Variants in PACRG observed in about 807,000 individuals in gnomAD.
PACRG encodes the protein parkin coregulated gene protein.
A neutral mutation model predicts 29.7 loss-of-function variants in PACRG; 29 were observed. The ratio of observed to expected loss-of-function variants is 0.98; its 90% CI spans 0.73 to 1.33. The LOEUF is 1.33. PACRG is among the 40% of genes most tolerant of loss of function. PACRG has a pLI of 0.00. For synonymous variants in PACRG, 116 were observed against 118.7 expected (o/e 0.98, Z 0.15); for missense variants, 279 against 316.2 (o/e 0.88, Z 0.89).
At chr6:162,753,369 C>T (rs903180125) in intron 1 of PACRG, among the ~76,000 whole-genome samples, 1 of 151,778 alleles carries the variant, frequency 6.6e-6, no homozygotes, top group Non-Finnish European at 1.5e-5. Context: ...TCTTTCTATG[C>T]CCTGATAATT....
At chr6:162,908,808 A>G (rs1402027157) in intron 2 of PACRG, among the ~76,000 whole-genome samples, 1 of 152,136 alleles carries the variant, frequency 6.6e-6, no homozygotes, top group Non-Finnish European at 1.5e-5. Flanking sequence ...CATCAGCCTG[A>G]CTTAACAATA....
At chr6:163,253,091 G>A (rs796130890) in intron 4 of PACRG, among the ~76,000 whole-genome samples, 7 of 152,136 alleles carry the variant, frequency 4.6e-5, no homozygotes, top group African/African-American at 1.7e-4. Flanking sequence ...GAGGCCAGGA[G>A]GTCGAGACCA....
chr6:162,876,169 C>G lies in PACRG; in HGVS notation c.291+61888C>G, dbSNP rs867280260. On this transcript the variant is annotated intron_variant, in intron 2 of 4. Transcript: ENST00000366888. ...GGTCACCATCATAGGGGGTTCCTCT[C>G]CAAAGAAAGCAATGACAAGTGGAAC... 5.3e-5 allele frequency among the ~76,000 whole-genome samples: 8 copies of G among 152,120 alleles called. No homozygotes were observed. The South Asian group carries it at 1.7e-3, about 32-fold the overall frequency.
intron 4 of PACRG, among the ~76,000 whole-genome samples, chr6:163,160,537 C>T (rs6903043): frequency 0.067 from 10,186 of 152,198 alleles, 1,143 homozygotes; most frequent in African/African-American, 0.23. Flanking sequence ...GTACTGAACT[C>T]ATGAAAATAT....
chr6:162,897,666 T>A (rs930529623), intron 2 of PACRG, among the ~76,000 whole-genome samples: 6 of 152,152 alleles, frequency 3.9e-5, no homozygotes, highest in African/African-American at 1.4e-4. Flanking sequence ...GCTGGAGAGG[T>A]CTGTAGCCAT....
In PACRG at chr6:163,179,511, C is replaced by T. The variant is rs1779549227; in HGVS notation, c.613+90103C>T. On this transcript the variant is annotated intron_variant, in intron 4 of 4. Coordinates refer to ENST00000366888, the MANE Select transcript of PACRG (RefSeq NM_001080379.2). ...GCCCGGGAAGGAGTTCCAGGCCAGCCTGGGCAACATGGTGAAACCCTGTCT... is the reference window on the plus strand; with the variant it reads ...GCCCGGGAAGGAGTTCCAGGCCAGCTTGGGCAACATGGTGAAACCCTGTCT... 3 of 251,974 alleles carry T rather than the reference C, an allele frequency of 1.2e-5. No individual in the cohort carries two copies. In the South Asian group the frequency reaches 1.3e-4, roughly 11 times the overall value. The allele number at this position is 251,974 out of a possible 1,614,324, so 15.6% of individuals were successfully genotyped here.
At chr6:162,752,879 G>T (rs1256527371) in intron 1 of PACRG, among the ~76,000 whole-genome samples, 1 of 151,970 alleles carries the variant, frequency 6.6e-6, no homozygotes, top group Non-Finnish European at 1.5e-5. Context: ...GGATCCTCCT[G>T]GCTTGGGTTC....
chr6:162,949,744 G>A (rs897343138), intron 2 of PACRG, among the ~76,000 whole-genome samples: 79 of 152,304 alleles, frequency 5.2e-4, no homozygotes, highest in African/African-American at 1.8e-3. Context: ...TGGAGGCTGT[G>A]ATTTAAGTTT....
chr6:162,977,482 A>C (rs1802053705), intron 2 of PACRG, among the ~76,000 whole-genome samples: 1 of 151,894 alleles, frequency 6.6e-6, no homozygotes, highest in Non-Finnish European at 1.5e-5. Flanking sequence ...TCACCAATAA[A>C]ATACTAATGT....
chr6:162,980,491 C>T (rs749549677), intron 2 of PACRG, among the ~76,000 whole-genome samples: 1 of 152,090 alleles, frequency 6.6e-6, no homozygotes, highest in African/African-American at 2.4e-5. Context: ...ATAAATATGG[C>T]AGAATTGGAG....
intron 2 of PACRG, among the ~76,000 whole-genome samples, chr6:163,000,331 G>T (rs1029756076): frequency 4.6e-5 from 7 of 152,098 alleles, no homozygotes; most frequent in African/African-American, 1.7e-4. Context: ...CTGTTTTCGC[G>T]CTGGACAGAC....
intron 4 of PACRG, among the ~76,000 whole-genome samples, chr6:163,275,450 C>T (rs1294025654): frequency 6.6e-6 from 1 of 152,142 alleles, no homozygotes; most frequent in African/African-American, 2.4e-5. Context: ...GAGTATTGTC[C>T]TCTAGTCATT....
intron 4 of PACRG, among the ~76,000 whole-genome samples, chr6:163,232,250 A>G (rs2128164104): frequency 6.6e-6 from 1 of 152,216 alleles, no homozygotes; most frequent in South Asian, 2.1e-4. Context: ...ACACTCTTAT[A>G]ATAGAGAAGA....
chr6:162,763,162 G>A (rs1021348829), intron 1 of PACRG, among the ~76,000 whole-genome samples: 2 of 152,168 alleles, frequency 1.3e-5, no homozygotes, highest in Admixed American at 1.3e-4. Context: ...CATGTGACAG[G>A]AGAGTATAGC....
At chr6:163,240,832 G>A (rs1285611191) in intron 4 of PACRG, among the ~76,000 whole-genome samples, 4 of 152,196 alleles carry the variant, frequency 2.6e-5, no homozygotes, top group African/African-American at 9.7e-5. Context: ...ACCTCGACCA[G>A]TATCCCCCCT....
chr6:163,030,870 T>C (rs1472396040), intron 2 of PACRG, among the ~76,000 whole-genome samples: 1 of 152,212 alleles, frequency 6.6e-6, no homozygotes. Context: ...TGGTAGGTTT[T>C]AGCCAGCTTC....
intron 4 of PACRG, among the ~76,000 whole-genome samples, chr6:163,283,538 C>T (rs1467896376): frequency 1.3e-5 from 2 of 152,184 alleles, no homozygotes; most frequent in Non-Finnish European, 2.9e-5. Context: ...CGGTGGCTCA[C>T]GCCTGTAATC....
chr6:163,245,558 G>A (rs1170304771), intron 4 of PACRG, among the ~76,000 whole-genome samples: 1 of 152,172 alleles, frequency 6.6e-6, no homozygotes, highest in East Asian at 1.9e-4. Flanking sequence ...GGTTCATAGA[G>A]ATGGAGCCTC....
intron 4 of PACRG, among the ~76,000 whole-genome samples, chr6:163,231,675 C>T (rs1226535069): frequency 1.3e-5 from 2 of 152,228 alleles, no homozygotes; most frequent in African/African-American, 2.4e-5. Context: ...CCAGGACCAG[C>T]ACCCACCAGG....
Sources: allele counts gnomAD v4.1 joint callset (sites outside exome capture counted in the v4.1 genomes callset), GRCh38; gene constraint gnomAD v4.1.1; transcripts MANE v1.5; gene names NCBI Gene and HGNC (gene_info 2026-07-23, HGNC 2026-07-21).